ATP9B: variants seen among roughly 807,000 people sequenced by gnomAD.
ATP9B encodes the protein ATPase phospholipid transporting 9B, also known as probable phospholipid-transporting ATPase IIB.
Under a neutral mutation model 146.1 loss-of-function variants are expected in ATP9B, and 110 were observed. The observed-to-expected ratio is 0.75, with a 90% confidence interval of 0.65 to 0.88. The LOEUF (loss-of-function observed/expected upper bound fraction) is 0.88, where lower values mean the gene tolerates loss of function less well. Ranked by LOEUF, ATP9B falls within the 40% of genes least tolerant of loss-of-function variation. The pLI is 0.00. For missense variants in ATP9B, 1,499 were observed against 1,496.4 expected (o/e 1.00, Z -0.03); for synonymous variants, 604 against 569.7 (o/e 1.06, Z -0.86).
intron 19 of ATP9B, 69 bp downstream of exon 19, chr18:79,337,518 T>A: frequency 6.5e-7 from 1 of 1,547,928 alleles, no homozygotes; most frequent in Non-Finnish European, 8.7e-7. Flanking sequence ...TCCTTGGGCA[T>A]GGTGATTTGT....
chr18:79,194,211 A>T (rs1015890926), intron 9 of ATP9B, among the ~76,000 whole-genome samples: 3 of 152,228 alleles, frequency 2.0e-5, no homozygotes, highest in African/African-American at 7.2e-5. Flanking sequence ...TATGAAAACA[A>T]CATGTTCTTA....
At chr18:79,200,849 A>C (rs963908936) in intron 9 of ATP9B, among the ~76,000 whole-genome samples, 1 of 7,832 alleles carries the variant, frequency 1.3e-4, no homozygotes, top group Non-Finnish European at 2.5e-4. Context: ...CACAATGCTC[A>C]GTTGCCATTG....
intron 11 of ATP9B, among the ~76,000 whole-genome samples, chr18:79,248,808 G>A (rs549653999): frequency 7.5e-4 from 114 of 152,304 alleles, no homozygotes; most frequent in African/African-American, 2.4e-3. Flanking sequence ...GGGTAAGTAC[G>A]CGTGAGTTTT....
chr18:79,096,805 A>G (rs1212379044), intron 2 of ATP9B, among the ~76,000 whole-genome samples, 156 bp downstream of exon 2: 1 of 152,202 alleles, frequency 6.6e-6, no homozygotes, highest in East Asian at 1.9e-4. Flanking sequence ...AAAGCCAAAC[A>G]ATGCTAATAT....
At chr18:79,103,267 G>GT (rs76907504) in intron 2 of ATP9B, among the ~76,000 whole-genome samples, 19,417 of 133,234 alleles carry the variant, frequency 0.15, 1,368 homozygotes, top group African/African-American at 0.18. Flanking sequence ...ACTATTTGTA[G>GT]TTTTTTTTTT....
intron 13 of ATP9B, among the ~76,000 whole-genome samples, chr18:79,290,284 T>C (rs891779925): frequency 1.2e-4 from 18 of 152,080 alleles, no homozygotes; most frequent in African/African-American, 2.2e-4. Flanking sequence ...TGGAGCTTCC[T>C]GGCTGCTTTG....
intron 26 of ATP9B, chr18:79,361,883 C>T (rs773131800): frequency 2.1e-5 from 16 of 771,306 alleles, no homozygotes; most frequent in African/African-American, 5.7e-5. Context: ...CAAGCTCCTG[C>T]GATGTAGGAC....
intron 5 of ATP9B, among the ~76,000 whole-genome samples, chr18:79,126,812 C>T (rs1256664104): frequency 6.6e-6 from 1 of 152,200 alleles, no homozygotes. Flanking sequence ...AAATAAATAT[C>T]GTGATCCAAG....
chr18:79,347,372 C>A (rs1210358931), intron 23 of ATP9B, among the ~76,000 whole-genome samples: 4 of 152,220 alleles, frequency 2.6e-5, no homozygotes, highest in Non-Finnish European at 5.9e-5. Flanking sequence ...TGTCTTGAAG[C>A]AGCCCAAGAT....
intron 1 of ATP9B, among the ~76,000 whole-genome samples, chr18:79,075,548 AT>A (rs1491000885): frequency 6.6e-6 from 1 of 152,174 alleles, no homozygotes; most frequent in Non-Finnish European, 1.5e-5. Context: ...CACTTTTATC[AT>A]TATGTAGTTC....
chr18:79,166,263 A>G (rs1485827747), intron 7 of ATP9B, among the ~76,000 whole-genome samples: 1 of 152,170 alleles, frequency 6.6e-6, no homozygotes, highest in Non-Finnish European at 1.5e-5. Flanking sequence ...CTTCATGGAG[A>G]GTCCTAGATC....
intron 25 of ATP9B, among the ~76,000 whole-genome samples, chr18:79,355,576 G>GA (rs931387557): frequency 6.6e-6 from 1 of 151,960 alleles, no homozygotes; most frequent in African/African-American, 2.4e-5. Context: ...AAAACTGACT[G>GA]AAAAAAAATG....
intron 15 of ATP9B, among the ~76,000 whole-genome samples, chr18:79,308,212 G>A (rs975318136): frequency 6.6e-6 from 1 of 152,128 alleles, no homozygotes; most frequent in South Asian, 2.1e-4. Context: ...AGAGGAACTG[G>A]AACCTGCATG....
chr18:79,353,838 T>G (rs917107838), intron 25 of ATP9B: 2 of 152,132 alleles, frequency 1.3e-5, no homozygotes, highest in Admixed American at 6.5e-5. Context: ...GTTGAAGAGA[T>G]AGGGAGGGGT....
At chr18:79,189,717 ACTGT>A (rs2095344594) in intron 8 of ATP9B, among the ~76,000 whole-genome samples, 1 of 152,236 alleles carries the variant, frequency 6.6e-6, no homozygotes, top group African/African-American at 2.4e-5. Context: ...TACAAGGTGA[ACTGT>A]CTGTCTGAAA....
chr18:79,279,724 G>A (rs2096356070), intron 13 of ATP9B, among the ~76,000 whole-genome samples: 1 of 152,158 alleles, frequency 6.6e-6, no homozygotes, highest in Non-Finnish European at 1.5e-5. Context: ...AAATTTGAAA[G>A]CCCTTAAGAC....
intron 11 of ATP9B, among the ~76,000 whole-genome samples, chr18:79,237,803 C>T (rs1323524308): frequency 6.6e-6 from 1 of 152,016 alleles, no homozygotes; most frequent in African/African-American, 2.4e-5. Flanking sequence ...CCTCACACCT[C>T]CGCTTCCTGA....
chr18:79,314,892 GC>G (rs1237316117), intron 15 of ATP9B, among the ~76,000 whole-genome samples: 2 of 152,258 alleles, frequency 1.3e-5, no homozygotes. Flanking sequence ...GGTGGGCAGA[GC>G]CTCTGAGTGC....
chr18:79,072,026 G>C (rs2071909451), intron 1 of ATP9B, among the ~76,000 whole-genome samples: 1 of 151,382 alleles, frequency 6.6e-6, no homozygotes, highest in African/African-American at 2.4e-5. Context: ...CCAGTGTTAA[G>C]AAAGTTGGAT....
Sources: gnomAD v4.1 joint callset for allele counts (sites outside exome capture counted in the v4.1 genomes callset) on GRCh38, gnomAD v4.1.1 for gene constraint, MANE v1.5 for transcripts, NCBI Gene and HGNC (gene_info 2026-07-23, HGNC 2026-07-21) for gene names.